The following FCHSD2 variants were observed in gnomAD, a reference collection of about 807,000 sequenced individuals.
The protein encoded by FCHSD2 is F-BAR and double SH3 domains protein 2.
A neutral mutation model predicts 108.1 loss-of-function variants in FCHSD2; 38 were observed. The ratio of observed to expected loss-of-function variants is 0.35; its 90% CI spans 0.27 to 0.46. The LOEUF (loss-of-function observed/expected upper bound fraction) is 0.46, where lower values mean the gene tolerates loss of function less well. Ranked by LOEUF, FCHSD2 falls within the 20% of genes least tolerant of loss-of-function variation. FCHSD2 has a pLI of 1.00. For missense variants in FCHSD2, 751 were observed against 897.8 expected (o/e 0.84, Z 2.09); for synonymous variants, 279 against 314.7 (o/e 0.89, Z 1.20).
intron 12 of FCHSD2, among the ~76,000 whole-genome samples, chr11:72,874,604 A>G (rs1233198377): frequency 1.3e-5 from 2 of 152,252 alleles, no homozygotes; most frequent in African/African-American, 4.8e-5. Flanking sequence ...CTGAAGCAGA[A>G]AAGAGAGAAG....
At chr11:73,117,048 C>A (rs1860621083) in intron 2 of FCHSD2, among the ~76,000 whole-genome samples, 1 of 151,954 alleles carries the variant, frequency 6.6e-6, no homozygotes, top group African/African-American at 2.4e-5. Flanking sequence ...TTGGTCTTTT[C>A]AAAAAACTAG....
intron 2 of FCHSD2, among the ~76,000 whole-genome samples, chr11:73,094,317 A>G (rs377335309): frequency 1.7e-4 from 26 of 152,350 alleles, no homozygotes; most frequent in African/African-American, 5.3e-4. Flanking sequence ...CTAACATGCC[A>G]TTGGTGGGAA....
At chr11:72,991,266 C>T (rs1362480384) in intron 5 of FCHSD2, among the ~76,000 whole-genome samples, 1 of 152,094 alleles carries the variant, frequency 6.6e-6, no homozygotes, top group Non-Finnish European at 1.5e-5. Context: ...GATTCACAGC[C>T]GAATTCTACC....
chr11:72,916,040 A>G (rs1855866939), intron 9 of FCHSD2, among the ~76,000 whole-genome samples: 1 of 152,078 alleles, frequency 6.6e-6, no homozygotes, highest in Non-Finnish European at 1.5e-5. Context: ...AACAACGCAC[A>G]CTAGGGCCTA....
chr11:73,026,030 ATG>A (rs1396405430), intron 3 of FCHSD2, among the ~76,000 whole-genome samples: 1 of 151,986 alleles, frequency 6.6e-6, no homozygotes, highest in Admixed American at 6.6e-5. Context: ...GTATGTATGT[ATG>A]TATGTATTTT....
At chr11:73,137,076 T>A (rs1467422345) in intron 2 of FCHSD2, among the ~76,000 whole-genome samples, 1 of 152,070 alleles carries the variant, frequency 6.6e-6, no homozygotes, top group African/African-American at 2.4e-5. Context: ...AGTGAATTTT[T>A]AAAAAATCAT....
chr11:73,039,883 GT>G, intron 3 of FCHSD2, among the ~76,000 whole-genome samples: 1 of 151,344 alleles, frequency 6.6e-6, no homozygotes, highest in Non-Finnish European at 1.5e-5. Flanking sequence ...TCATTTTGAA[GT>G]TTCTTTTTAA....
chr11:72,989,109 A>G lies in FCHSD2; in HGVS notation c.388-12T>C. 10 of 1,596,620 alleles carry G rather than the reference A, an allele frequency of 6.3e-6. No homozygotes were observed. Among genetic ancestry groups the G allele is most frequent in the Non-Finnish European group, 7.7e-6 (9 of 1,170,296 alleles). ...AACTGGTCCACACACTGTAAAATACAAAAGTACAATCATTATGATTTTAGT... is the reference window on the plus strand; with the variant it reads ...AACTGGTCCACACACTGTAAAATACGAAAGTACAATCATTATGATTTTAGT... On this transcript the variant is annotated splice_polypyrimidine_tract_variant and intron_variant, in intron 5 of 19. Transcript: ENST00000409418.
intron 10 of FCHSD2, among the ~76,000 whole-genome samples, chr11:72,899,735 TAAAAAAAAAA>T (rs10674308): frequency 2.7e-5 from 2 of 72,736 alleles, no homozygotes; most frequent in East Asian, 4.8e-4. Context: ...GACCCTATCT[TAAAAAAAAAA>T]AAAAAAAAAA....
chr11:73,000,122 T>G (rs1857598255), intron 5 of FCHSD2, among the ~76,000 whole-genome samples: 1 of 152,180 alleles, frequency 6.6e-6, no homozygotes, highest in South Asian at 2.1e-4. Context: ...GAATCATCTT[T>G]GGCAAACGGA....
chr11:72,979,331 A>ATTT (rs1012125596), intron 8 of FCHSD2, among the ~76,000 whole-genome samples: 4 of 152,212 alleles, frequency 2.6e-5, no homozygotes, highest in African/African-American at 9.6e-5. Context: ...GTACAACATA[A>ATTT]TGACAAAGAT....
chr11:72,901,437 A>G (rs1396965617), intron 10 of FCHSD2, among the ~76,000 whole-genome samples: 1 of 152,090 alleles, frequency 6.6e-6, no homozygotes. Flanking sequence ...AAGTAAAAAT[A>G]AAAACAAAAA....
At chr11:72,864,008 A>T (rs1854660663) in intron 13 of FCHSD2, among the ~76,000 whole-genome samples, 1 of 152,206 alleles carries the variant, frequency 6.6e-6, no homozygotes, top group African/African-American at 2.4e-5. Flanking sequence ...TCCTTATCTT[A>T]CCCTTATCTC....
chr11:72,980,061 C>G (rs539466911), intron 8 of FCHSD2, among the ~76,000 whole-genome samples: 27 of 152,286 alleles, frequency 1.8e-4, no homozygotes, highest in South Asian at 1.7e-3. Context: ...ACAGGAACAA[C>G]TGCTACTGAG....
rs570558210 is a variant in FCHSD2, at chr11:72,914,275, A to G, written c.828+7553T>C. ...AGTGATCTGCCCACCGTGGCCTCCCAAAGTGCTGGGATTACAGGTGTGAGT... is the reference window on the plus strand; with the variant it reads ...AGTGATCTGCCCACCGTGGCCTCCCGAAGTGCTGGGATTACAGGTGTGAGT... On this transcript the variant is annotated intron_variant, in intron 9 of 19. Coordinates refer to ENST00000409418, the MANE Select transcript of FCHSD2 (RefSeq NM_014824.3). Among the ~76,000 whole-genome samples, 3 of 152,306 alleles carry G rather than the reference A, an allele frequency of 2.0e-5. No individual in the cohort carries two copies. The South Asian group carries it at 6.2e-4, about 32-fold the overall frequency.
At chr11:72,967,428 CA>C (rs888071100) in intron 8 of FCHSD2, among the ~76,000 whole-genome samples, 38 of 149,222 alleles carry the variant, frequency 2.5e-4, no homozygotes, top group Middle Eastern at 3.5e-3. Flanking sequence ...TATTCAGGTA[CA>C]AAAAAAAATA....
chr11:73,066,427 CAT>C (rs1378010216), intron 3 of FCHSD2, among the ~76,000 whole-genome samples: 1 of 152,136 alleles, frequency 6.6e-6, no homozygotes, highest in Non-Finnish European at 1.5e-5. Context: ...CCATTCAGGA[CAT>C]AGGCATGGGC....
At chr11:73,008,863 T>C (rs1191022728) in intron 4 of FCHSD2, among the ~76,000 whole-genome samples, 1 of 152,090 alleles carries the variant, frequency 6.6e-6, no homozygotes, top group Non-Finnish European at 1.5e-5. Context: ...AAGGTAAAAT[T>C]AGAGGCAGCT....
intron 9 of FCHSD2, among the ~76,000 whole-genome samples, chr11:72,914,605 T>G (rs949268079): frequency 6.6e-6 from 1 of 152,074 alleles, no homozygotes; most frequent in Non-Finnish European, 1.5e-5. Flanking sequence ...CACCTGATCT[T>G]CAACAAACCT....
Sources: allele counts gnomAD v4.1 joint callset (sites outside exome capture counted in the v4.1 genomes callset), GRCh38; gene constraint gnomAD v4.1.1; transcripts MANE v1.5; gene names NCBI Gene and HGNC (gene_info 2026-07-23, HGNC 2026-07-21).